Variants in C6orf89 observed in about 807,000 individuals in gnomAD.
C6orf89 encodes the protein chromosome 6 open reading frame 89, also known as bombesin receptor-activated protein C6orf89.
C6orf89 carries 29 observed loss-of-function variants against 40.7 expected under a neutral mutation model. That is an observed-to-expected ratio of 0.71 (90% CI 0.53 to 0.97). C6orf89 has a LOEUF of 0.97. C6orf89 is among the 50% of genes least tolerant of loss of function. The probability of loss-of-function intolerance (pLI) is 0.00; values close to 1 mark genes in which losing one functional copy is unlikely to be tolerated. For missense variants in C6orf89, 392 were observed against 429.1 expected, an observed-to-expected ratio of 0.91 and a Z score of 0.76; for synonymous variants, 165 against 152.2, an observed-to-expected ratio of 1.08 and a Z score of -0.62.
chr6:36,890,337 T>C (rs1761150384), intron 1 of C6orf89, among the ~76,000 whole-genome samples: 1 of 152,174 alleles, frequency 6.6e-6, no homozygotes, highest in Admixed American at 6.5e-5. Flanking sequence ...ACCACCATTC[T>C]GTTCTTTGCT....
chr6:36,915,219 T>G (rs1485436654), intron 6 of C6orf89, among the ~76,000 whole-genome samples: 2 of 152,184 alleles, frequency 1.3e-5, no homozygotes, highest in Non-Finnish European at 2.9e-5. Context: ...CAAGTTTGTC[T>G]AATAGAGTCA....
chr6:36,926,726 C>T lies in C6orf89; in HGVS notation c.*3285C>T, dbSNP rs1035388305. The T allele has an allele frequency of 1.1e-4, 16 of 152,182 alleles. No individual in the cohort carries two copies. Among genetic ancestry groups the T allele is most frequent in the Admixed American group, 7.9e-4 (12 of 15,278 alleles). 9.4% of individuals were successfully genotyped at this position (152,182 alleles called of 1,614,324 possible). On this transcript the variant is annotated 3_prime_UTR_variant, in exon 9 of 9. Transcript: ENST00000480824. ...GATATACATGATCTCCTTTAATCTT[C>T]ACCCAATCCTGTAAAGTAGGTGTTA...
chr6:36,914,631 A>C lies in C6orf89; in HGVS notation c.633A>C (p.Glu211Asp). The change falls in exon 6 of 9, where the codon GAA (glutamate) becomes GAC (aspartate). Residue 211 changes from glutamate to aspartate, a missense_variant. Transcript: ENST00000480824. The stretch of plus-strand genomic sequence containing the variant: ...CTGAGGCGACAGAAGGCTTCTCTGA[A>C]GGGTTTTTCGCCAAGTGGTGGCGCT... ...QYPEATEGFS[E>D]GFFAKWWRCF... The C allele has an allele frequency of 6.2e-7, 1 of 1,614,230 alleles. No individual in the cohort carries two copies. Among genetic ancestry groups the C allele is most frequent in the Non-Finnish European group, 8.5e-7 (1 of 1,180,040 alleles).
chr6:36,903,845 GT>G (rs1202742902), intron 4 of C6orf89, among the ~76,000 whole-genome samples: 3 of 151,714 alleles, frequency 2.0e-5, no homozygotes, highest in Non-Finnish European at 4.4e-5. Flanking sequence ...CACCTCAGGA[GT>G]TTTTGTTTTT....
At chr6:36,877,814 T>C (rs1774700495) in intron 1 of C6orf89, among the ~76,000 whole-genome samples, 1 of 152,266 alleles carries the variant, frequency 6.6e-6, no homozygotes, top group Non-Finnish European at 1.5e-5. Flanking sequence ...TTTCCATATG[T>C]GTGCCATTTA....
intron 4 of C6orf89, among the ~76,000 whole-genome samples, chr6:36,903,742 C>G (rs1014199357): frequency 2.0e-5 from 3 of 152,026 alleles, no homozygotes; most frequent in Non-Finnish European, 2.9e-5. Flanking sequence ...GGGTCTCCAT[C>G]GAAAGCTATT....
Position 36,916,552 on chromosome 6 carries a change from C to A in C6orf89, c.803C>A (p.Pro268Gln). 6.2e-7 allele frequency: 1 copy of A among 1,614,188 alleles called. No individual in the cohort carries two copies. The highest frequency in any genetic ancestry group is 8.5e-7 in the Non-Finnish European group (1 of 1,180,028). The change falls in exon 7 of 9, where the codon CCA becomes CAA. Residue 268 changes from proline to glutamine, a missense_variant. Pro to Gln is a moderately conservative substitution (Grantham distance 76). Coordinates refer to ENST00000480824, the MANE Select transcript of C6orf89 (RefSeq NM_001286635.2). ...TTAAACAAGTGCTCCTTTCTTCACC[C>A]AGAACCTGTTGTGGGGAGTAAGGTA... is the stretch of plus-strand genomic sequence containing the variant. ...ASLNKCSFLH[P>Q]EPVVGSKMHK... is the part of the protein sequence containing the mutation.
chr6:36,926,650 G>A lies in C6orf89; in HGVS notation c.*3209G>A, dbSNP rs1193029593. On this transcript the variant is annotated 3_prime_UTR_variant, in exon 9 of 9. Transcript: ENST00000480824. ...CAGATTGGGGGGGCTCATGTTCTGA[G>A]AGAAAGGAATAATAGCATTTGTCTA... is the stretch of plus-strand genomic sequence containing the variant. 6.6e-6 allele frequency: 1 copy of A among 151,828 alleles called. No individual in the cohort carries two copies. The highest frequency in any genetic ancestry group is 1.5e-5 in the Non-Finnish European group (1 of 67,978). 9.4% of individuals were successfully genotyped at this position (151,828 alleles called of 1,614,324 possible).
chr6:36,912,901 G>A (rs1402191890), intron 4 of C6orf89, among the ~76,000 whole-genome samples: 1 of 152,166 alleles, frequency 6.6e-6, no homozygotes, highest in Non-Finnish European at 1.5e-5. Context: ...TTGTGGTTAA[G>A]AGTCAGTTTC....
chr6:36,887,120 T>G (rs1775022150), intron 1 of C6orf89, among the ~76,000 whole-genome samples: 3 of 123,726 alleles, frequency 2.4e-5, no homozygotes, highest in East Asian at 4.4e-4. Context: ...CGTTTTTTTG[T>G]TTTTTTTTTT....
intron 3 of C6orf89, among the ~76,000 whole-genome samples, chr6:36,900,097 G>C (rs889152609): frequency 6.6e-6 from 1 of 152,008 alleles, no homozygotes; most frequent in Non-Finnish European, 1.5e-5. Flanking sequence ...ATGTTGGTCA[G>C]GCTGGTCTTG....
intron 3 of C6orf89, among the ~76,000 whole-genome samples, chr6:36,900,960 C>T (rs954111401): frequency 2.0e-5 from 3 of 151,996 alleles, no homozygotes; most frequent in Non-Finnish European, 4.4e-5. Context: ...AATTCTCCTG[C>T]CTCAGCCTCC....
At chr6:36,895,135 CTGACTCAT>C (rs772457720) in intron 2 of C6orf89, among the ~76,000 whole-genome samples, 3 of 152,196 alleles carry the variant, frequency 2.0e-5, no homozygotes, top group Non-Finnish European at 4.4e-5. Flanking sequence ...CTGTACATCT[CTGACTCAT>C]TTTGTGCCCA....
At chr6:36,881,401 G>A (rs536236204), upstream of C6orf89, among the ~76,000 whole-genome samples, 17 of 152,316 alleles carry the variant, frequency 1.1e-4, no homozygotes, top group East Asian at 1.9e-4. Context: ...GGCCAGGCAC[G>A]GTGGCCCATG....
chr6:36,906,781 G>C (rs1761943638), intron 4 of C6orf89, among the ~76,000 whole-genome samples: 1 of 152,166 alleles, frequency 6.6e-6, no homozygotes, highest in Non-Finnish European at 1.5e-5. Flanking sequence ...ACTAGAAGAG[G>C]TGCTATGCAC....
intron 1 of C6orf89, among the ~76,000 whole-genome samples, chr6:36,888,087 G>A (rs1775062210): frequency 6.6e-6 from 1 of 152,172 alleles, no homozygotes; most frequent in South Asian, 2.1e-4. Context: ...GAACAAATGT[G>A]TTACATCATT....
At chr6:36,890,101 C>T (rs951430147) in intron 1 of C6orf89, among the ~76,000 whole-genome samples, 1 of 152,184 alleles carries the variant, frequency 6.6e-6, no homozygotes, top group African/African-American at 2.4e-5. Context: ...CTATCCATCA[C>T]CTTCAAGTTT....
chr6:36,875,000 C>T (rs1435614711), intron 1 of C6orf89: 1 of 531,226 alleles, frequency 1.9e-6, no homozygotes, highest in Non-Finnish European at 3.3e-6. Context: ...ACTTCATTCG[C>T]GGTGGTCTCC....
At position 36,919,682 on chromosome 6, in the gene C6orf89, A is replaced by C. The variant is rs1379252270; in HGVS notation, c.930A>C (p.Pro310=). 1 of 1,613,820 alleles carries C rather than the reference A, an allele frequency of 6.2e-7. No individual in the cohort carries two copies. The highest frequency in any genetic ancestry group is 1.3e-5 in the African/African-American group (1 of 74,938). ...GACATTGTCAGTCTGTGGCCATGCC[A>C]ATAGAGCCAGGGGATATCGGTATGT... ...CRRHCQSVAM[P]IEPGDIGYVD... The change falls in exon 8 of 9, where the codon CCA becomes CCC. Residue 310 remains proline (P), a synonymous_variant. Transcript: ENST00000480824.
Sources: gnomAD v4.1 joint callset for allele counts (sites outside exome capture counted in the v4.1 genomes callset) on GRCh38, gnomAD v4.1.1 for gene constraint, MANE v1.5 for transcripts, NCBI Gene and HGNC (gene_info 2026-07-23, HGNC 2026-07-21) for gene names.